The following TPTE2 variants were observed in gnomAD, a reference collection of about 807,000 sequenced individuals.
TPTE2 encodes the protein phosphatidylinositol 3,4,5-trisphosphate 3-phosphatase TPTE2.
TPTE2 carries 53 observed loss-of-function variants against 78.6 expected under a neutral mutation model. That is an observed-to-expected ratio of 0.67 (90% CI 0.54 to 0.85). TPTE2 has a LOEUF of 0.85. Ranked by LOEUF, TPTE2 falls within the 40% of genes least tolerant of loss-of-function variation. TPTE2 has a pLI of 0.00. For synonymous variants in TPTE2, 175 were observed against 206.2 expected (o/e 0.85, Z 1.30); for missense variants, 461 against 623.0 (o/e 0.74, Z 2.77).
chr13:19,435,650 A>G (rs1000775257), intron 15 of TPTE2, among the ~76,000 whole-genome samples: 2 of 152,162 alleles, frequency 1.3e-5, no homozygotes, highest in African/African-American at 4.8e-5. Flanking sequence ...TAAATGAGAT[A>G]TGTAAAAGTG....
intron 1 of TPTE2, among the ~76,000 whole-genome samples, chr13:19,524,444 A>G (rs948309563): frequency 6.6e-6 from 1 of 152,198 alleles, no homozygotes; most frequent in African/African-American, 2.4e-5. Context: ...GAAACCAGGC[A>G]AATCATCTCA....
At chr13:19,559,393 CAAA>C in the TPTE2 span, among the ~76,000 whole-genome samples, 1 of 152,266 alleles carries the variant, frequency 6.6e-6, no homozygotes, top group East Asian at 1.9e-4. Flanking sequence ...TGGCCAAACC[CAAA>C]AATAAATATA....
the TPTE2 span, chr13:19,561,400 G>A: frequency 2.2e-6 from 1 of 446,026 alleles, no homozygotes; most frequent in African/African-American, 2.0e-5. Context: ...CCACCTCCCG[G>A]GGCGCCGCGC....
At chr13:19,487,912 C>G (rs1027525946) in intron 3 of TPTE2, among the ~76,000 whole-genome samples, 16 of 152,192 alleles carry the variant, frequency 1.1e-4, no homozygotes, top group Non-Finnish European at 2.4e-4. Context: ...CTTGCAAAGA[C>G]TGTGAGATTC....
chr13:19,479,518 A>C (rs1880195362), intron 4 of TPTE2, among the ~76,000 whole-genome samples: 1 of 152,062 alleles, frequency 6.6e-6, no homozygotes, highest in South Asian at 2.1e-4. Context: ...ATTTTTAATA[A>C]AGAAAAAGAT....
intron 1 of TPTE2, among the ~76,000 whole-genome samples, chr13:19,499,030 C>T (rs1439706032): frequency 6.6e-6 from 1 of 151,782 alleles, no homozygotes; most frequent in East Asian, 1.9e-4. Flanking sequence ...TTTAAACCAA[C>T]AAAGATCAAA....
At chr13:19,428,038 A>G (rs540029177) in intron 17 of TPTE2, among the ~76,000 whole-genome samples, 1 of 152,250 alleles carries the variant, frequency 6.6e-6, no homozygotes, top group East Asian at 1.9e-4. Flanking sequence ...CAAAAATTTC[A>G]TTAAGGAGGT....
chr13:19,486,112 A>G lies in TPTE2; in HGVS notation c.120-3565T>C, dbSNP rs1354600373. On this transcript the variant is annotated intron_variant, in intron 3 of 19. Transcript: ENST00000400230. This position sits in a 1 kb window ranked among gnomAD's most constrained non-coding sequence, Gnocchi z 4.3. ...TTGCTGTGTTTCTAAATTGATTTCT[A>G]TGCATCTGGTGAAAAAGTCACCTTT... 6.6e-6 allele frequency among the ~76,000 whole-genome samples: 1 copy of G among 151,930 alleles called. No homozygotes were observed. The highest frequency in any genetic ancestry group is 6.6e-5 in the Admixed American group (1 of 15,256).
chr13:19,479,293 A>C (rs1880172751), intron 4 of TPTE2, among the ~76,000 whole-genome samples: 1 of 152,200 alleles, frequency 6.6e-6, no homozygotes, highest in Non-Finnish European at 1.5e-5. Flanking sequence ...GTGGAAGAAG[A>C]CAGAAGTAAA....
intron 1 of TPTE2, among the ~76,000 whole-genome samples, chr13:19,525,996 C>A (rs2087420): frequency 0.21 from 32,289 of 152,052 alleles, 4,571 homozygotes; most frequent in African/African-American, 0.4. Flanking sequence ...GAGATACCAT[C>A]TCATACCAGT....
chr13:19,454,990 A>G (rs2137539951), intron 10 of TPTE2, among the ~76,000 whole-genome samples: 1 of 152,330 alleles, frequency 6.6e-6, no homozygotes, highest in Admixed American at 6.5e-5. Context: ...GCTGCCCTCA[A>G]GTGCCATGAC....
At chr13:19,450,086 T>G in exon 13 of TPTE2, 4 of 1,611,290 alleles carry the variant, frequency 2.5e-6, no homozygotes, top group Non-Finnish European at 3.4e-6. Flanking sequence ...CTTTGCCTCC[T>G]TTACAGTGAA....
At chr13:19,478,941 T>C (rs1018116688) in intron 4 of TPTE2, among the ~76,000 whole-genome samples, 7 of 151,750 alleles carry the variant, frequency 4.6e-5, no homozygotes, top group Admixed American at 2.6e-4. Flanking sequence ...TTCTCACTCA[T>C]AGGTGGGAAT....
intron 4 of TPTE2, among the ~76,000 whole-genome samples, chr13:19,480,415 AT>A (rs1054627155): frequency 1.5e-4 from 23 of 152,360 alleles, no homozygotes; most frequent in African/African-American, 4.1e-4. Context: ...TTTTATTTAA[AT>A]GAAGAAAATA....
intron 13 of TPTE2, chr13:19,438,593 A>T (rs1192947092): frequency 2.2e-5 from 5 of 224,072 alleles, no homozygotes; most frequent in Middle Eastern, 4.6e-3. Flanking sequence ...AAATATACAT[A>T]TATTTTCAAA....
chr13:19,429,689 G>A (rs1388047965), intron 17 of TPTE2, among the ~76,000 whole-genome samples: 1 of 152,186 alleles, frequency 6.6e-6, no homozygotes, highest in Non-Finnish European at 1.5e-5. Context: ...AAAAGCCGGG[G>A]GCAGAGTCGG....
intron 13 of TPTE2, among the ~76,000 whole-genome samples, chr13:19,448,745 A>T (rs138861994): frequency 3.6e-4 from 55 of 152,312 alleles, no homozygotes; most frequent in African/African-American, 1.3e-3. Context: ...TGTGGAAAAC[A>T]GCACTGAGAT....
intron 4 of TPTE2, among the ~76,000 whole-genome samples, chr13:19,476,031 A>C (rs1180851620): frequency 1.3e-5 from 2 of 152,218 alleles, no homozygotes; most frequent in Non-Finnish European, 2.9e-5. Flanking sequence ...CTGCAATAAA[A>C]TAAGGTGTTT....
At chr13:19,425,686 C>A (rs1292242340) in intron 18 of TPTE2, 5 of 511,664 alleles carry the variant, frequency 9.8e-6, no homozygotes, top group Non-Finnish European at 1.9e-5. Flanking sequence ...CCTCAGGAAA[C>A]CTGCTCAGGT....
Sources: gnomAD v4.1 joint callset for allele counts (sites outside exome capture counted in the v4.1 genomes callset) on GRCh38, gnomAD v4.1.1 for gene constraint, Gnocchi (gnomAD v3.1) non-coding constraint, MANE v1.5 for transcripts, NCBI Gene and HGNC (gene_info 2026-07-23, HGNC 2026-07-21) for gene names.